Variants in MLLT1 observed in about 807,000 individuals in gnomAD.
The protein encoded by MLLT1 is protein ENL.
In MLLT1, 11 loss-of-function variants were observed where a neutral mutation model predicts 55.1. The ratio of observed to expected loss-of-function variants is 0.20; its 90% CI spans 0.13 to 0.33. The LOEUF (loss-of-function observed/expected upper bound fraction) is 0.33. Ranked by LOEUF, MLLT1 falls within the 10% of genes least tolerant of loss-of-function variation. MLLT1 has a pLI of 1.00. For missense variants in MLLT1, 536 were observed against 760.6 expected, an observed-to-expected ratio of 0.70 and a Z score of 3.47; for synonymous variants, 323 against 320.1, an observed-to-expected ratio of 1.01 and a Z score of -0.10.
chr19:6,221,079 G>A (rs963708803), intron 6 of MLLT1, among the ~76,000 whole-genome samples: 6 of 152,192 alleles, frequency 3.9e-5, no homozygotes, highest in Non-Finnish European at 7.3e-5. Flanking sequence ...TGGGGGCAAT[G>A]AGCGCTGCCC....
chr19:6,233,065 AAGC>A (rs990063841), intron 3 of MLLT1, among the ~76,000 whole-genome samples: 3 of 152,116 alleles, frequency 2.0e-5, no homozygotes, highest in Non-Finnish European at 2.9e-5. Flanking sequence ...CCAGCAGCCT[AAGC>A]TCGCAGGTGT....
intron 3 of MLLT1, among the ~76,000 whole-genome samples, chr19:6,244,897 C>T (rs1188333208): frequency 1.3e-5 from 2 of 152,192 alleles, no homozygotes; most frequent in Admixed American, 6.5e-5. Context: ...TACCACTTCA[C>T]ACCCACTAGG....
At chr19:6,234,555 C>A (rs547580056) in intron 3 of MLLT1, among the ~76,000 whole-genome samples, 119 of 152,242 alleles carry the variant, frequency 7.8e-4, no homozygotes, top group African/African-American at 2.8e-3. Context: ...CCTAGCTGAC[C>A]CAAGAAGGAC....
At position 6,240,638 on chromosome 19, in the gene MLLT1, A is replaced by T. The variant is rs2091105454; in HGVS notation, c.277-9925T>A. Among the ~76,000 whole-genome samples, 1 of 152,188 alleles carries T rather than the reference A, an allele frequency of 6.6e-6. No individual in the cohort carries two copies. The highest frequency in any genetic ancestry group is 2.4e-5 in the African/African-American group (1 of 41,444). ...GACTGAGAGCACCACGGAACCCTAC[A>T]GCTCTCAGATTCAAAAGCGCTGTGG... is the stretch of plus-strand genomic sequence containing the variant. On this transcript the variant is annotated intron_variant, in intron 3 of 11. Transcript: ENST00000252674. This position sits in a 1 kb window ranked among gnomAD's most constrained non-coding sequence, Gnocchi z 4.7.
Position 6,227,117 on chromosome 19 carries a change from G to A in MLLT1, c.421-15C>T, listed in dbSNP as rs780169005. The A allele has an allele frequency of 1.3e-5, 21 of 1,588,554 alleles. No homozygotes were observed. The highest frequency in any genetic ancestry group is 1.7e-5 in the Non-Finnish European group (20 of 1,170,222). On this transcript the variant is annotated splice_polypyrimidine_tract_variant and intron_variant, in intron 4 of 11. Coordinates refer to ENST00000252674, the MANE Select transcript of MLLT1 (RefSeq NM_005934.4). The surrounding 1 kb of genome is among the most constrained non-coding windows in gnomAD (Gnocchi z 5.1). ...ATTACCATCACCTAGTGACAGAGAAGAGACAGTCATTATCGATGGGCAGGG... is the reference window on the plus strand; with the variant it reads ...ATTACCATCACCTAGTGACAGAGAAAAGACAGTCATTATCGATGGGCAGGG...
chr19:6,249,733 A>T (rs945815435), intron 3 of MLLT1, among the ~76,000 whole-genome samples: 3 of 152,120 alleles, frequency 2.0e-5, no homozygotes, highest in African/African-American at 4.8e-5. Flanking sequence ...AGAAGATATA[A>T]AGGACCCGGT....
At position 6,222,784 on chromosome 19, in the gene MLLT1, C is replaced by G. The variant is rs1228762235; in HGVS notation, c.547-100G>C. On this transcript the variant is annotated intron_variant, in intron 5 of 11. Transcript: ENST00000252674. The surrounding 1 kb of genome is among the most constrained non-coding windows in gnomAD (Gnocchi z 4.1). ...CCCCTGACCCCTACAAAGCATAATC[C>G]ACCTGATTCAGCCTCAGCTAGAGAA... 15 of 954,114 alleles carry G rather than the reference C, an allele frequency of 1.6e-5. No homozygotes were observed. In the African/African-American group the frequency reaches 2.4e-4, roughly 15 times the overall value. 59.1% of individuals were successfully genotyped at this position (954,114 alleles called of 1,614,324 possible).
At chr19:6,239,747 C>A (rs2091098338) in intron 3 of MLLT1, among the ~76,000 whole-genome samples, 1 of 152,040 alleles carries the variant, frequency 6.6e-6, no homozygotes, top group Non-Finnish European at 1.5e-5. Flanking sequence ...GACTTACACA[C>A]ACACCTATGT....
chr19:6,275,259 T>A (rs1568300172), intron 1 of MLLT1, among the ~76,000 whole-genome samples: 1 of 152,156 alleles, frequency 6.6e-6, no homozygotes, highest in Admixed American at 6.6e-5. Context: ...CTGCATCTAA[T>A]TCCCTCGGAG....
At chr19:6,258,079 T>A (rs1341247334) in intron 3 of MLLT1, among the ~76,000 whole-genome samples, 1 of 152,108 alleles carries the variant, frequency 6.6e-6, no homozygotes, top group African/African-American at 2.4e-5. Flanking sequence ...GGCTTAGCAG[T>A]TCCTCAGAAA....
intron 1 of MLLT1, among the ~76,000 whole-genome samples, chr19:6,275,937 C>T (rs926057287): frequency 2.6e-5 from 4 of 152,226 alleles, no homozygotes; most frequent in Admixed American, 2.0e-4. Flanking sequence ...CTATCTCCCA[C>T]GTTCTCCAGG....
chr19:6,268,746 A>AG (rs1188361592), intron 2 of MLLT1, among the ~76,000 whole-genome samples: 1 of 152,190 alleles, frequency 6.6e-6, no homozygotes, highest in Non-Finnish European at 1.5e-5. Context: ...ACTAATTTAA[A>AG]GGCCGCCTGC....
intron 5 of MLLT1, among the ~76,000 whole-genome samples, chr19:6,223,195 C>G (rs1257933097): frequency 1.3e-5 from 2 of 152,134 alleles, no homozygotes; most frequent in African/African-American, 4.8e-5. Flanking sequence ...TGAGCCCCGT[C>G]GGCCCCTCTC....
chr19:6,272,916 A>G (rs2091406483), intron 1 of MLLT1, among the ~76,000 whole-genome samples: 1 of 152,234 alleles, frequency 6.6e-6, no homozygotes, highest in African/African-American at 2.4e-5. Flanking sequence ...TAAAAAGTAA[A>G]CTGAAACATG....
At chr19:6,223,106 T>C (rs2090919774) in intron 5 of MLLT1, among the ~76,000 whole-genome samples, 1 of 152,052 alleles carries the variant, frequency 6.6e-6, no homozygotes, top group Non-Finnish European at 1.5e-5. Context: ...GCCCCTCATC[T>C]CAGCCTCCTT....
At position 6,240,296 on chromosome 19, in the gene MLLT1, G is replaced by C. The variant is rs1303361795; in HGVS notation, c.277-9583C>G. On this transcript the variant is annotated intron_variant, in intron 3 of 11. Transcript: ENST00000252674. This position sits in a 1 kb window ranked among gnomAD's most constrained non-coding sequence, Gnocchi z 4.7. ...GCGAAAGCCAGCCACCTACAGGCCT[G>C]CCTGGAAGAGGCTGGCCCTGGTCAG... Among the ~76,000 whole-genome samples, 1 of 152,248 alleles carries C rather than the reference G, an allele frequency of 6.6e-6. No individual in the cohort carries two copies. The highest frequency in any genetic ancestry group is 2.4e-5 in the African/African-American group (1 of 41,470).
chr19:6,264,446 T>C (rs2091330160), intron 2 of MLLT1, among the ~76,000 whole-genome samples: 1 of 151,776 alleles, frequency 6.6e-6, no homozygotes, highest in Non-Finnish European at 1.5e-5. Context: ...TCCCATCACA[T>C]AACGCTCAGG....
chr19:6,226,091 G>A lies in MLLT1; in HGVS notation c.546+886C>T, dbSNP rs1379266331. On this transcript the variant is annotated intron_variant, in intron 5 of 11. Coordinates refer to ENST00000252674, the MANE Select transcript of MLLT1 (RefSeq NM_005934.4). This position sits in a 1 kb window ranked among gnomAD's most constrained non-coding sequence, Gnocchi z 6.3. ...GCGGTTCTTCTCCCGCATGGCTGACGGTGAGTCTGTGAGGCAGCTGGAGAG... is the reference window on the plus strand; with the variant it reads ...GCGGTTCTTCTCCCGCATGGCTGACAGTGAGTCTGTGAGGCAGCTGGAGAG... Among the ~76,000 whole-genome samples, 1 of 152,222 alleles carries A rather than the reference G, an allele frequency of 6.6e-6. No individual in the cohort carries two copies. The highest frequency in any genetic ancestry group is 2.4e-5 in the African/African-American group (1 of 41,458).
At chr19:6,263,970 C>A (rs568073356) in intron 2 of MLLT1, among the ~76,000 whole-genome samples, 1 of 152,058 alleles carries the variant, frequency 6.6e-6, no homozygotes, top group Admixed American at 6.5e-5. Context: ...GGAGCGACTG[C>A]CACTGCGGGG....
Sources: allele counts gnomAD v4.1 joint callset (sites outside exome capture counted in the v4.1 genomes callset), GRCh38; gene constraint gnomAD v4.1.1; non-coding constraint Gnocchi (gnomAD v3.1); transcripts MANE v1.5; gene names NCBI Gene and HGNC (gene_info 2026-07-23, HGNC 2026-07-21).